Variants in SLC10A1 observed in about 807,000 individuals in gnomAD.
SLC10A1 encodes hepatic sodium/bile acid cotransporter.
In SLC10A1, 36 loss-of-function variants were observed where a neutral mutation model predicts 20.5. That is an observed-to-expected ratio of 1.75 (90% CI 1.34 to 2.32). The LOEUF (loss-of-function observed/expected upper bound fraction) is 2.32, where lower values mean the gene tolerates loss of function less well. Ranked by LOEUF, SLC10A1 falls within the 30% of genes most tolerant of loss-of-function variation. The probability of loss-of-function intolerance (pLI) is 0.00; values close to 1 mark genes in which losing one functional copy is unlikely to be tolerated. For missense variants in SLC10A1, 545 were observed against 439.1 expected (o/e 1.24, Z -2.16); for synonymous variants, 188 against 163.6 (o/e 1.15, Z -1.14).
At chr14:69,789,945 C>A (rs1594764143) in intron 1 of SLC10A1, among the ~76,000 whole-genome samples, 2 of 143,156 alleles carry the variant, frequency 1.4e-5, no homozygotes, top group African/African-American at 2.6e-5. Context: ...TTTTAAAGGC[C>A]AATTAAATAG....
At chr14:69,784,581 G>A (rs1883669410) in intron 2 of SLC10A1, among the ~76,000 whole-genome samples, 2 of 152,210 alleles carry the variant, frequency 1.3e-5, no homozygotes, top group Admixed American at 6.5e-5. Context: ...AGAGCAAAGG[G>A]AGATATTAGG....
intron 2 of SLC10A1, 129 bp downstream of exon 2, chr14:69,785,968 C>T: frequency 1.5e-6 from 1 of 685,428 alleles, no homozygotes; most frequent in East Asian, 2.7e-5. Context: ...CCTTAGAGTG[C>T]ATAGCATAAA....
Position 69,778,333 on chromosome 14 carries a change from C to G in SLC10A1, c.943G>C (p.Asp315His), listed in dbSNP as rs781425586. Residue 315 changes from aspartate (D) to histidine (H), a missense_variant and splice_region_variant, in exon 4 of 5, where the codon GAT becomes CAT. Asp to His is a moderately conservative substitution (Grantham distance 81). Transcript: ENST00000216540. ...AAGTGGGGATAATTTCAGTACTCAC[C>G]CTTGGGAGTCTTGAATTTCTCATAG... is the stretch of plus-strand genomic sequence containing the variant. ...WCYEKFKTPK[D>H]KTKMIYTAAT... The G allele has an allele frequency of 2.5e-6, 4 of 1,598,376 alleles. No homozygotes were observed. The highest frequency in any genetic ancestry group is 1.7e-5 in the Admixed American group (1 of 58,486).
chr14:69,795,372 C>T (rs78671348), intron 1 of SLC10A1, among the ~76,000 whole-genome samples: 2,700 of 151,298 alleles, frequency 0.018, 68 homozygotes, highest in African/African-American at 0.062. Context: ...TAAACCCCAA[C>T]TCTCATTCAC....
rs886148204 is a variant in SLC10A1 at position 69,775,416 on chromosome 14, T to C, written c.*866A>G. On this transcript the variant is annotated 3_prime_UTR_variant, in exon 5 of 5. Transcript: ENST00000216540. ...CATTTACTTGATCCTTATTTACATA[T>C]GATATGCAAAATGTTTAAATTTTAT... The C allele has an allele frequency of 2.6e-5, 4 of 152,244 alleles. No individual in the cohort carries two copies. The highest frequency in any genetic ancestry group is 4.4e-5 in the Non-Finnish European group (3 of 68,050). 9.4% of individuals were successfully genotyped at this position (152,244 alleles called of 1,614,324 possible). A position where few individuals can be genotyped will look rare whatever the true frequency, so the allele number is the denominator to read the frequency against.
chr14:69,782,808 G>GAA (rs35397817), intron 2 of SLC10A1, among the ~76,000 whole-genome samples: 7 of 102,710 alleles, frequency 6.8e-5, no homozygotes, highest in South Asian at 3.3e-4. Flanking sequence ...ACTCCGTCTC[G>GAA]AAAAAAAAAA....
In SLC10A1 at chr14:69,778,440, A is replaced by G. The variant is rs72547507; in HGVS notation, c.836T>C (p.Ile279Thr). The G allele has an allele frequency of 1.4e-4, 224 of 1,614,118 alleles. No homozygotes were observed. The highest frequency in any genetic ancestry group is 5.8e-4 in the Admixed American group (35 of 60,020). ...ILNVAFPPEVIGPLFFFPLLY... is the reference protein window; with the variant it reads ...ILNVAFPPEVTGPLFFFPLLY... ...GAGGGGAAAGAAGAAAAGTGGTCCA[A>G]TGACTTCAGGTGGAAAGGCCACATT... Residue 279 changes from isoleucine (I) to threonine (T), a missense_variant, in exon 4 of 5, where the codon ATT becomes ACT. Coordinates refer to ENST00000216540, the MANE Select transcript of SLC10A1 (RefSeq NM_003049.4).
chr14:69,781,400 T>C lies in SLC10A1; in HGVS notation c.568-2040A>G, dbSNP rs569469050. 6.0e-4 allele frequency among the ~76,000 whole-genome samples: 92 copies of C among 152,312 alleles called. 1 individual carries two copies. The South Asian group carries it at 6.8e-3, about 11-fold the overall frequency. ...GGCAGCCAATCCATTGGCTTACACA[T>C]GAGATGACATGTCCACAGTCTACCC... On this transcript the variant is annotated intron_variant, in intron 2 of 4. Transcript: ENST00000216540.
chr14:69,787,469 T>A (rs939008815), intron 1 of SLC10A1, among the ~76,000 whole-genome samples: 1 of 152,136 alleles, frequency 6.6e-6, no homozygotes, highest in Non-Finnish European at 1.5e-5. Context: ...ACACTCAGTG[T>A]GTCCCTCCTC....
At chr14:69,794,601 A>C (rs1017470688) in intron 1 of SLC10A1, among the ~76,000 whole-genome samples, 1 of 152,208 alleles carries the variant, frequency 6.6e-6, no homozygotes, top group African/African-American at 2.4e-5. Flanking sequence ...AATGCATGTA[A>C]CAAGTTGTCC....
At chr14:69,785,377 T>C (rs1469314468) in intron 2 of SLC10A1, among the ~76,000 whole-genome samples, 1 of 152,188 alleles carries the variant, frequency 6.6e-6, no homozygotes, top group Non-Finnish European at 1.5e-5. Context: ...TCTAGCTTCT[T>C]GCCACATCAG....
rs115519293 is a variant in SLC10A1 at position 69,791,792 on chromosome 14, G to A, written c.356+5008C>T. On this transcript the variant is annotated intron_variant, in intron 1 of 4. Coordinates refer to ENST00000216540, the MANE Select transcript of SLC10A1 (RefSeq NM_003049.4). The stretch of plus-strand genomic sequence containing the variant: ...ATACCTGGAGAAAAATTCACTCAAC[G>A]TGGCTTGGAATCTTCTATTTGTATG... Among the ~76,000 whole-genome samples the A allele has an allele frequency of 8.3e-3, 1,270 of 152,288 alleles. 19 individuals carry two copies. The highest frequency in any genetic ancestry group is 0.029 in the African/African-American group (1,194 of 41,544).
intron 1 of SLC10A1, among the ~76,000 whole-genome samples, chr14:69,788,711 A>AT (rs914087753): frequency 1.3e-3 from 201 of 151,728 alleles, no homozygotes; most frequent in Non-Finnish European, 1.9e-3. Context: ...CGCCCGGCTA[A>AT]TTTTTTTTGT....
At position 69,796,612 on chromosome 14, in the gene SLC10A1, C is replaced by T. The variant is rs181544935; in HGVS notation, c.356+188G>A. Among the ~76,000 whole-genome samples, 227 of 152,312 alleles carry T rather than the reference C, an allele frequency of 1.5e-3. 2 individuals carry two copies. The highest frequency in any genetic ancestry group is 1.5e-3 in the Non-Finnish European group (103 of 68,016). The stretch of plus-strand genomic sequence containing the variant: ...CCTTTGGCTTGGTGCCTAAACCAGA[C>T]GTACCCCAACTCCTGCCCCCATCCC... On this transcript the variant is annotated intron_variant, in intron 1 of 4. Coordinates refer to ENST00000216540, the MANE Select transcript of SLC10A1 (RefSeq NM_003049.4).
At chr14:69,793,878 C>T (rs1370405021) in intron 1 of SLC10A1, among the ~76,000 whole-genome samples, 1 of 152,212 alleles carries the variant, frequency 6.6e-6, no homozygotes, top group Non-Finnish European at 1.5e-5. Flanking sequence ...TGTTTGTCAC[C>T]TACATTTTTT....
intron 1 of SLC10A1, among the ~76,000 whole-genome samples, chr14:69,792,888 C>G (rs150403469): frequency 6.7e-6 from 1 of 150,166 alleles, no homozygotes; most frequent in African/African-American, 2.5e-5. Context: ...TAATACTGTT[C>G]GTACAAAATT....
At chr14:69,781,284 G>C (rs1244271766) in intron 2 of SLC10A1, among the ~76,000 whole-genome samples, 1 of 152,182 alleles carries the variant, frequency 6.6e-6, no homozygotes, top group Non-Finnish European at 1.5e-5. Context: ...GAGACAAGTG[G>C]CCCCGGGTAG....
chr14:69,778,385 C>T lies in SLC10A1; in HGVS notation c.891G>A (p.Gly297=), dbSNP rs1353534067. ...LLYMIFQLGE[G]LLLIAIFWCY... Reference sequence around the variant, plus strand: ...ACCAAAATATGGCAATGAGGAGAAGCCCTTCTCCAAGCTGGAAAATCATGT... The same window carrying T: ...ACCAAAATATGGCAATGAGGAGAAGTCCTTCTCCAAGCTGGAAAATCATGT... Residue 297 remains glycine (G), a synonymous_variant, in exon 4 of 5, where the codon GGG becomes GGA. Transcript: ENST00000216540. 6.2e-7 allele frequency: 1 copy of T among 1,613,478 alleles called. No homozygotes were observed. The highest frequency in any genetic ancestry group is 8.5e-7 in the Non-Finnish European group (1 of 1,179,690).
intron 2 of SLC10A1, among the ~76,000 whole-genome samples, chr14:69,785,801 G>C (rs1489200083): frequency 1.3e-5 from 2 of 150,520 alleles, no homozygotes; most frequent in Non-Finnish European, 3.0e-5. Context: ...TGGAGACGGG[G>C]TTTCGTCATG....
Sources: gnomAD v4.1 joint callset for allele counts (sites outside exome capture counted in the v4.1 genomes callset) on GRCh38, gnomAD v4.1.1 for gene constraint, MANE v1.5 for transcripts, NCBI Gene and HGNC (gene_info 2026-07-23, HGNC 2026-07-21) for gene names.